Variants in ARFGEF1 observed in about 807,000 individuals in gnomAD.
The protein encoded by ARFGEF1 is ARF guanine nucleotide exchange factor 1.
A neutral mutation model predicts 231.0 loss-of-function variants in ARFGEF1; 42 were observed. That is an observed-to-expected ratio of 0.18 (90% CI 0.14 to 0.24). The LOEUF (loss-of-function observed/expected upper bound fraction) is 0.24. Among genes scored for constraint, ARFGEF1 ranks in the 10% least tolerant of loss-of-function variants. The pLI is 1.00. For missense variants in ARFGEF1, 1,345 were observed against 2,192.0 expected (o/e 0.61, Z 7.72); for synonymous variants, 710 against 732.3 (o/e 0.97, Z 0.49).
In ARFGEF1 at chr8:67,301,398, G is replaced by A; in HGVS notation, c.156-18C>T. The A allele has an allele frequency of 1.9e-6, 3 of 1,601,672 alleles. No individual in the cohort carries two copies. Among genetic ancestry groups the A allele is most frequent in the East Asian group, 2.2e-5 (1 of 44,748 alleles). Reference sequence around the variant, plus strand: ...GAGGAGGACTAAATGAGAAAGAAAAGTCTGATTATAGCGTATCACATTTAT... The same window carrying A: ...GAGGAGGACTAAATGAGAAAGAAAAATCTGATTATAGCGTATCACATTTAT... On this transcript the variant is annotated intron_variant, in intron 2 of 38. Coordinates refer to ENST00000262215, the MANE Select transcript of ARFGEF1 (RefSeq NM_006421.5).
chr8:67,239,739 A>C (rs1839874104), intron 20 of ARFGEF1, among the ~76,000 whole-genome samples: 1 of 152,210 alleles, frequency 6.6e-6, no homozygotes, highest in Non-Finnish European at 1.5e-5. Context: ...CTTTCATGAA[A>C]ATTATGTATT....
chr8:67,198,331 A>AT lies in ARFGEF1; in HGVS notation c.*602_*603insA. On this transcript the variant is annotated 3_prime_UTR_variant, in exon 39 of 39. Transcript: ENST00000262215. ...TATGGGTATTTAGCAAATGAATAAG[A>AT]AAATAAAGAAAACAGTGCAGGAAGA... 1 of 984,236 alleles carries AT rather than the reference A, an allele frequency of 1.0e-6. No homozygotes were observed. Among genetic ancestry groups the AT allele is most frequent in the African/African-American group, 1.7e-5 (1 of 57,314 alleles). The allele number at this position is 984,236 out of a possible 1,614,324, so 61.0% of individuals were successfully genotyped here.
At chr8:67,223,827 C>T (rs1293613506) in intron 29 of ARFGEF1, among the ~76,000 whole-genome samples, 2 of 152,136 alleles carry the variant, frequency 1.3e-5, no homozygotes, top group East Asian at 1.9e-4. Flanking sequence ...GGCAGGTGGA[C>T]AGCTGAAATG....
intron 4 of ARFGEF1, among the ~76,000 whole-genome samples, chr8:67,299,006 A>G (rs1467237645): frequency 1.3e-5 from 2 of 151,818 alleles, no homozygotes; most frequent in Non-Finnish European, 2.9e-5. Flanking sequence ...CTGCTCTCAA[A>G]CTCCTGACCT....
chr8:67,296,011 T>G (rs1342798592), intron 5 of ARFGEF1, among the ~76,000 whole-genome samples: 1 of 152,210 alleles, frequency 6.6e-6, no homozygotes, highest in African/African-American at 2.4e-5. Context: ...AGGAATATCA[T>G]GCCCCTTTAT....
At chr8:67,271,287 T>C (rs1228631823) in intron 10 of ARFGEF1, among the ~76,000 whole-genome samples, 1 of 152,046 alleles carries the variant, frequency 6.6e-6, no homozygotes, top group Non-Finnish European at 1.5e-5. Context: ...TGCCCCTCAA[T>C]CACATCTTTT....
intron 5 of ARFGEF1, among the ~76,000 whole-genome samples, chr8:67,181,199 G>GTTAT (rs1210374001): frequency 6.6e-6 from 1 of 151,560 alleles, no homozygotes; most frequent in African/African-American, 2.4e-5. Context: ...ACGATACCTG[G>GTTAT]TTATCTTTTT....
chr8:67,240,798 A>C (rs772748796), intron 19 of ARFGEF1, among the ~76,000 whole-genome samples: 3 of 152,224 alleles, frequency 2.0e-5, no homozygotes, highest in Non-Finnish European at 4.4e-5. Flanking sequence ...TCTGGTTTCC[A>C]GTTGGACAAT....
intron 1 of ARFGEF1, among the ~76,000 whole-genome samples, chr8:67,335,383 G>A (rs1808297204): frequency 6.6e-6 from 1 of 152,136 alleles, no homozygotes; most frequent in Non-Finnish European, 1.5e-5. Flanking sequence ...GGGATCACAG[G>A]CGCCAGCCAC....
In ARFGEF1 at chr8:67,267,126, T is replaced by C; in HGVS notation, c.1777A>G (p.Arg593Gly). ...CTCATACCAAGTTCTTGACTGCCCC[T>C]TCCTTGAGCAATTTTTGATAGATCA... The part of the protein sequence containing the change: ...VNDLSKIAQG[R>G]GSQELGMSNV... The change falls in exon 12 of 39, where the codon AGG becomes GGG. Residue 593 changes from arginine (R) to glycine (G), a missense_variant. Physicochemically the swap from Arg to Gly is moderately radical, Grantham distance 125 (BLOSUM62 -2). This residue lies in a region of ARFGEF1 where 141 missense variants were observed against 259.9 expected (regional missense o/e 0.54). Transcript: ENST00000262215. 1 of 1,613,282 alleles carries C rather than the reference T, an allele frequency of 6.2e-7. No individual in the cohort carries two copies. Among genetic ancestry groups the C allele is most frequent in the Non-Finnish European group, 8.5e-7 (1 of 1,179,722 alleles).
At chr8:67,177,995 T>C (rs1286636170) in intron 5 of ARFGEF1, among the ~76,000 whole-genome samples, 1 of 152,224 alleles carries the variant, frequency 6.6e-6, no homozygotes, top group Admixed American at 6.5e-5. Context: ...TTAATCTCTT[T>C]ATGCCTCAGC....
At chr8:67,291,437 A>T (rs1303195944) in intron 6 of ARFGEF1, among the ~76,000 whole-genome samples, 1 of 149,874 alleles carries the variant, frequency 6.7e-6, no homozygotes, top group African/African-American at 2.4e-5. Context: ...TTTTTACCAT[A>T]ATCATATTTT....
chr8:67,290,472 TTGTGCATGGCA>T (rs1489899108), intron 6 of ARFGEF1, among the ~76,000 whole-genome samples: 1 of 152,230 alleles, frequency 6.6e-6, no homozygotes, highest in Admixed American at 6.5e-5. Context: ...CAGAATTACT[TTGTGCATGGCA>T]TTTTTAGGAC....
chr8:67,340,017 CAA>C (rs148178244), intron 1 of ARFGEF1, among the ~76,000 whole-genome samples: 55 of 142,202 alleles, frequency 3.9e-4, no homozygotes, highest in Middle Eastern at 7.1e-3. Flanking sequence ...TACTTTTTGA[CAA>C]AAAAAAAAGT....
At chr8:67,318,796 G>A (rs1587307924) in intron 1 of ARFGEF1, among the ~76,000 whole-genome samples, 3 of 152,262 alleles carry the variant, frequency 2.0e-5, no homozygotes, top group Admixed American at 2.0e-4. Flanking sequence ...GCAATACAGT[G>A]AGACCGCCAT....
intron 5 of ARFGEF1, among the ~76,000 whole-genome samples, chr8:67,183,781 A>C (rs1309115163): frequency 6.6e-6 from 1 of 152,100 alleles, no homozygotes; most frequent in Non-Finnish European, 1.5e-5. Context: ...TTTAGATAAA[A>C]AACCAAAGCC....
chr8:67,262,328 G>A (rs1206269695), intron 14 of ARFGEF1, among the ~76,000 whole-genome samples: 3 of 152,040 alleles, frequency 2.0e-5, no homozygotes, highest in African/African-American at 7.3e-5. Flanking sequence ...GTGTGAAGAT[G>A]ACACTGAATT....
intron 36 of ARFGEF1, 121 bp from the exon 37 acceptor site, chr8:67,201,726 G>T (rs1355537059): frequency 7.6e-7 from 1 of 1,322,122 alleles, no homozygotes; most frequent in Non-Finnish European, 1.1e-6. Flanking sequence ...CTTACAAAAC[G>T]GAGCCACAGC....
chr8:67,217,518 A>C (rs1009316600), intron 32 of ARFGEF1, among the ~76,000 whole-genome samples: 1 of 152,192 alleles, frequency 6.6e-6, no homozygotes, highest in African/African-American at 2.4e-5. Flanking sequence ...AATCTTATAA[A>C]AGTCAGCAGA....
Sources: gnomAD v4.1 joint callset for allele counts (sites outside exome capture counted in the v4.1 genomes callset) on GRCh38, gnomAD v4.1.1 for gene constraint, gnomAD v4.1.1 regional missense constraint, MANE v1.5 for transcripts, NCBI Gene and HGNC (gene_info 2026-07-23, HGNC 2026-07-21) for gene names.